Variants in BMPER observed in about 807,000 individuals in gnomAD.
BMPER encodes the protein BMP-binding endothelial regulator protein.
A neutral mutation model predicts 87.3 loss-of-function variants in BMPER; 45 were observed. The observed-to-expected ratio is 0.52, with a 90% confidence interval of 0.41 to 0.66. BMPER has a LOEUF of 0.66. BMPER is among the 30% of genes least tolerant of loss of function. BMPER has a pLI of 0.00. For synonymous variants in BMPER, 326 were observed against 316.2 expected, an observed-to-expected ratio of 1.03 and a Z score of -0.33; for missense variants, 784 against 867.5, an observed-to-expected ratio of 0.90 and a Z score of 1.21.
intron 2 of BMPER, chr7:33,921,699 C>G (rs549885046): frequency 6.4e-6 from 3 of 470,334 alleles, no homozygotes; most frequent in South Asian, 1.6e-5. Context: ...GGGATACGCT[C>G]TGTTTCCTGT....
At chr7:33,925,452 T>C (rs1214674000) in intron 2 of BMPER, among the ~76,000 whole-genome samples, 2 of 152,204 alleles carry the variant, frequency 1.3e-5, no homozygotes, top group African/African-American at 4.8e-5. Context: ...AACTGTGCAA[T>C]GAGCAATATA....
chr7:33,931,590 G>T (rs956402215), intron 2 of BMPER, among the ~76,000 whole-genome samples: 2 of 152,160 alleles, frequency 1.3e-5, no homozygotes, highest in Admixed American at 6.5e-5. Context: ...TGGGCTCTTT[G>T]GGATCTGGAA....
intron 13 of BMPER, among the ~76,000 whole-genome samples, chr7:34,099,194 A>G (rs939965737): frequency 3.5e-4 from 54 of 152,188 alleles, no homozygotes; most frequent in African/African-American, 1.3e-3. Flanking sequence ...GGAGTTACCA[A>G]CATTGTCCAA....
chr7:34,003,773 T>A (rs1393894667), intron 6 of BMPER, among the ~76,000 whole-genome samples: 1 of 152,120 alleles, frequency 6.6e-6, no homozygotes, highest in East Asian at 1.9e-4. Context: ...GTTTTGATGA[T>A]GAATCAGCTA....
At chr7:33,954,112 G>A (rs1489718864) in intron 3 of BMPER, among the ~76,000 whole-genome samples, 1 of 152,146 alleles carries the variant, frequency 6.6e-6, no homozygotes, top group Non-Finnish European at 1.5e-5. Context: ...AGGTGGTTCT[G>A]ATGTTCAGCA....
chr7:33,905,963 A>G (rs994559050), intron 1 of BMPER, among the ~76,000 whole-genome samples: 9 of 152,244 alleles, frequency 5.9e-5, no homozygotes, highest in Non-Finnish European at 2.9e-5. Context: ...TGTAGTAATA[A>G]TAGACATTCT....
intron 13 of BMPER, among the ~76,000 whole-genome samples, chr7:34,111,606 A>C (rs1483521619): frequency 6.6e-6 from 1 of 152,232 alleles, no homozygotes; most frequent in Non-Finnish European, 1.5e-5. Flanking sequence ...ATCTGTGTGA[A>C]TCTCACAGGC....
At chr7:33,905,359 GAAAA>G (rs34276608), upstream of BMPER, 27 of 250,344 alleles carry the variant, frequency 1.1e-4, 1 homozygote, top group South Asian at 5.3e-4. Context: ...ACTCCCTCAG[GAAAA>G]AAAAAAAAAA....
chr7:34,143,575 G>A (rs976091058), intron 14 of BMPER, among the ~76,000 whole-genome samples: 3 of 152,184 alleles, frequency 2.0e-5, no homozygotes, highest in African/African-American at 7.2e-5. Context: ...TTTGTGACAA[G>A]CATATTTAAG....
At chr7:33,910,470 C>A (rs563193617) in intron 2 of BMPER, among the ~76,000 whole-genome samples, 1 of 152,322 alleles carries the variant, frequency 6.6e-6, no homozygotes, top group African/African-American at 2.4e-5. Context: ...CAGCCTTTTC[C>A]ACCTAACTGT....
intron 6 of BMPER, among the ~76,000 whole-genome samples, chr7:33,983,018 T>A (rs769102576): frequency 2.6e-5 from 4 of 152,184 alleles, no homozygotes; most frequent in Non-Finnish European, 4.4e-5. Flanking sequence ...GAGCTTCAAA[T>A]CACATCTTGA....
intron 2 of BMPER, among the ~76,000 whole-genome samples, chr7:33,926,667 T>G (rs1189012092): frequency 6.6e-6 from 1 of 152,234 alleles, no homozygotes; most frequent in Non-Finnish European, 1.5e-5. Flanking sequence ...CATCTGCATG[T>G]GATCCTTGGG....
chr7:33,928,094 T>C (rs1784401389), intron 2 of BMPER, among the ~76,000 whole-genome samples: 1 of 152,102 alleles, frequency 6.6e-6, no homozygotes, highest in Non-Finnish European at 1.5e-5. Flanking sequence ...CTTTTGGAAG[T>C]GTTCTCTGCC....
At chr7:34,095,649 G>A (rs951962861) in intron 13 of BMPER, among the ~76,000 whole-genome samples, 3 of 152,204 alleles carry the variant, frequency 2.0e-5, no homozygotes, top group African/African-American at 7.2e-5. Context: ...TTGAGGACAT[G>A]AGCTGTATTT....
At chr7:33,974,591 G>A in intron 5 of BMPER, 111 bp from the exon 6 acceptor site, 1 of 1,049,466 alleles carries the variant, frequency 9.5e-7, no homozygotes, top group Non-Finnish European at 1.5e-6. Flanking sequence ...GGTTGAAGAG[G>A]ACACTCAGCT....
At chr7:34,014,763 A>C (rs943542606) in intron 6 of BMPER, among the ~76,000 whole-genome samples, 2 of 152,000 alleles carry the variant, frequency 1.3e-5, no homozygotes, top group Admixed American at 1.3e-4. Context: ...TGTTCACTAA[A>C]TAAAATAGTG....
intron 14 of BMPER, among the ~76,000 whole-genome samples, chr7:34,150,738 A>G (rs987122128): frequency 1.6e-4 from 24 of 152,098 alleles, no homozygotes; most frequent in African/African-American, 5.8e-4. Flanking sequence ...GTATCCATCC[A>G]CTCAATCTCC....
chr7:34,039,203 A>G (rs1416907453), intron 6 of BMPER, among the ~76,000 whole-genome samples: 2 of 152,242 alleles, frequency 1.3e-5, no homozygotes, highest in Non-Finnish European at 2.9e-5. Flanking sequence ...GGGGGAATGA[A>G]TAAGATAAAT....
chr7:33,949,928 G>T (rs1438025011), intron 3 of BMPER, among the ~76,000 whole-genome samples: 1 of 152,122 alleles, frequency 6.6e-6, no homozygotes, highest in East Asian at 1.9e-4. Context: ...GACCCTACTT[G>T]TCTAAAAGGA....
Sources: gnomAD v4.1 joint callset for allele counts (sites outside exome capture counted in the v4.1 genomes callset) on GRCh38, gnomAD v4.1.1 for gene constraint, MANE v1.5 for transcripts, NCBI Gene and HGNC (gene_info 2026-07-23, HGNC 2026-07-21) for gene names.